SEMA4D: variants seen among roughly 807,000 people sequenced by gnomAD.
SEMA4D encodes semaphorin-4D.
SEMA4D carries 22 observed loss-of-function variants against 74.8 expected under a neutral mutation model. The observed-to-expected ratio is 0.29, with a 90% CI of 0.21 to 0.42. The LOEUF is 0.42. Among genes scored for constraint, SEMA4D ranks in the 10% least tolerant of loss-of-function variants. The probability of loss-of-function intolerance (pLI) is 1.00; values close to 1 mark genes in which losing one functional copy is unlikely to be tolerated. For missense variants in SEMA4D, 937 were observed against 1,118.4 expected (o/e 0.84, Z 2.31); for synonymous variants, 445 against 463.7 (o/e 0.96, Z 0.52).
At chr9:89,370,431 CTGGTGTG>C (rs1246588252) in intron 16 of SEMA4D, among the ~76,000 whole-genome samples, 20 of 141,088 alleles carry the variant, frequency 1.4e-4, no homozygotes, top group African/African-American at 4.0e-4. Context: ...TGGTGTGTGG[CTGGTGTG>C]TGGTGTGTGG....
intron 2 of SEMA4D, among the ~76,000 whole-genome samples, chr9:89,414,794 C>T (rs1845347282): frequency 6.6e-6 from 1 of 152,208 alleles, no homozygotes; most frequent in Non-Finnish European, 1.5e-5. Context: ...CCGGACTCAC[C>T]CAGCAGGGCA....
intron 2 of SEMA4D, among the ~76,000 whole-genome samples, chr9:89,446,848 C>T (rs10121439): frequency 0.23 from 34,863 of 152,138 alleles, 4,267 homozygotes; most frequent in Middle Eastern, 0.32. Flanking sequence ...AGGCCTCAGG[C>T]GGGCTCCCTG....
At chr9:89,408,878 C>T (rs1465263805) in intron 2 of SEMA4D, among the ~76,000 whole-genome samples, 3 of 152,262 alleles carry the variant, frequency 2.0e-5, no homozygotes, top group Non-Finnish European at 4.4e-5. Context: ...GAAACAACCT[C>T]TCTCGTGGCA....
At chr9:89,367,363 T>G (rs4876959) in intron 16 of SEMA4D, 31,663 of 152,200 alleles carry the variant, frequency 0.21, 3,801 homozygotes, top group East Asian at 0.39. Flanking sequence ...AACACCACTG[T>G]TTTCTTGCTT....
intron 1 of SEMA4D, among the ~76,000 whole-genome samples, chr9:89,474,797 C>T (rs978313110): frequency 6.6e-6 from 1 of 152,236 alleles, no homozygotes; most frequent in African/African-American, 2.4e-5. Flanking sequence ...CCTGGCCAAG[C>T]CTTTCCGTAG....
At chr9:89,404,589 C>T (rs974507030) in intron 3 of SEMA4D, among the ~76,000 whole-genome samples, 1 of 135,270 alleles carries the variant, frequency 7.4e-6, no homozygotes, top group African/African-American at 2.5e-5. Flanking sequence ...AGTGGAGTCC[C>T]CATCCCGTCC....
intron 1 of SEMA4D, among the ~76,000 whole-genome samples, chr9:89,469,691 C>G (rs1003362434): frequency 6.6e-6 from 1 of 152,170 alleles, no homozygotes; most frequent in African/African-American, 2.4e-5. Context: ...ACAGAAAATG[C>G]ATTTAAAAAA....
intron 1 of SEMA4D, among the ~76,000 whole-genome samples, chr9:89,491,184 G>A (rs928022474): frequency 1.1e-4 from 17 of 152,192 alleles, no homozygotes; most frequent in Admixed American, 3.3e-4. Flanking sequence ...CCTGGGGACC[G>A]CTACTTTCTC....
chr9:89,402,798 C>A, intron 4 of SEMA4D, 73 bp downstream of exon 4: 1 of 1,539,030 alleles, frequency 6.5e-7, no homozygotes, highest in Non-Finnish European at 8.9e-7. Context: ...AGCCCCCAGC[C>A]CCACAGTGGG....
intron 2 of SEMA4D, among the ~76,000 whole-genome samples, chr9:89,408,997 C>T (rs144041119): frequency 1.4e-3 from 216 of 152,302 alleles, no homozygotes; most frequent in African/African-American, 4.9e-3. Context: ...AGAGGTAAGG[C>T]GTGCCAACCA....
At position 89,458,160 on chromosome 9, in the gene SEMA4D, G is replaced by A. The variant is rs534767771; in HGVS notation, c.-309-2207C>T. The stretch of plus-strand genomic sequence containing the variant: ...AGCCAGGGCAAGCCCACCACTCCAC[G>A]GTGGCCTTACGTATGCATGTGAGTG... On this transcript the variant is annotated intron_variant, in intron 1 of 15. Transcript: ENST00000422704. Among the ~76,000 whole-genome samples, 7 of 152,294 alleles carry A rather than the reference G, an allele frequency of 4.6e-5. No homozygotes were observed. In the South Asian group the frequency reaches 8.3e-4, roughly 18 times the overall value.
downstream of SEMA4D, among the ~76,000 whole-genome samples, chr9:89,375,669 G>C (rs896790429): frequency 6.6e-6 from 1 of 152,180 alleles, no homozygotes; most frequent in South Asian, 2.1e-4. Context: ...TGTATCTACT[G>C]ATCAGTCAGA....
chr9:89,475,663 G>A (rs1023881733), intron 1 of SEMA4D, among the ~76,000 whole-genome samples: 6 of 152,148 alleles, frequency 3.9e-5, no homozygotes, highest in South Asian at 2.1e-4. Context: ...CAAGCCTGCC[G>A]TGGACCACCA....
At chr9:89,452,757 G>A (rs1255592783) in intron 2 of SEMA4D, among the ~76,000 whole-genome samples, 5 of 152,330 alleles carry the variant, frequency 3.3e-5, no homozygotes, top group Non-Finnish European at 5.9e-5. Context: ...CAGGTGTCCC[G>A]TCCTGTTAAA....
chr9:89,406,967 C>G (rs986171043), intron 2 of SEMA4D, among the ~76,000 whole-genome samples: 1 of 151,266 alleles, frequency 6.6e-6, no homozygotes, highest in African/African-American at 2.4e-5. Flanking sequence ...CCCACCCCCA[C>G]CCCCAATCCA....
chr9:89,387,436 C>T lies in SEMA4D; in HGVS notation c.1280G>A (p.Arg427Gln), dbSNP rs761309466. Residue 427 changes from arginine to glutamine, a missense_variant, in exon 12 of 16, where the codon CGG (arginine) becomes CAG (glutamine). Transcript: ENST00000422704. ...DVNYTQIVVD[R>Q]TQALDGTVYD... Reference sequence around the variant, plus strand: ...GACAGTCCCATCCAGGGCCTGGGTCCGGTCCACCACGATCTGGGTGTAGTT... The same window carrying T: ...GACAGTCCCATCCAGGGCCTGGGTCTGGTCCACCACGATCTGGGTGTAGTT... 36 of 1,614,084 alleles carry T rather than the reference C, an allele frequency of 2.2e-5. No homozygotes were observed. In the South Asian group the frequency reaches 3.1e-4, roughly 14 times the overall value.
Position 89,379,648 on chromosome 9 carries a change from C to T in SEMA4D, c.1664-19G>A, listed in dbSNP as rs371740308. The T allele has an allele frequency of 3.3e-5, 53 of 1,583,564 alleles. No individual in the cohort carries two copies. In the Admixed American group the frequency reaches 4.3e-4, roughly 13 times the overall value. ...CTTTTATCTGGAACATCAAAATAAA[C>T]GTGCACAGCGTCAACAATCCCCATT... On this transcript the variant is annotated intron_variant, in intron 15 of 15. Transcript: ENST00000422704.
chr9:89,484,457 T>TTG lies in SEMA4D; in HGVS notation c.-310+13460_-310+13461dup, dbSNP rs147465461. The stretch of plus-strand genomic sequence containing the variant: ...GTGTACAGTGTGTGTTGTGTGTGTT[T>TTG]TGTGTGTGTGTGTGGCATGGTATGT... On this transcript the variant is annotated intron_variant, in intron 1 of 15. Transcript: ENST00000422704. This position sits in a 1 kb window ranked among gnomAD's most constrained non-coding sequence, Gnocchi z 4.1. Among the ~76,000 whole-genome samples, 8 of 146,342 alleles carry TTG rather than the reference T, an allele frequency of 5.5e-5. No homozygotes were observed. Among genetic ancestry groups the TTG allele is most frequent in the Admixed American group, 2.0e-4 (3 of 14,768 alleles).
intron 2 of SEMA4D, chr9:89,450,078 G>A: frequency 7.8e-7 from 1 of 1,286,664 alleles, no homozygotes; most frequent in East Asian, 2.3e-5. Flanking sequence ...GAACAAAGTT[G>A]CCCACTTATT....
Sources: allele counts gnomAD v4.1 joint callset (sites outside exome capture counted in the v4.1 genomes callset), GRCh38; gene constraint gnomAD v4.1.1; non-coding constraint Gnocchi (gnomAD v3.1); transcripts MANE v1.5; gene names NCBI Gene and HGNC (gene_info 2026-07-23, HGNC 2026-07-21).